ME2: variants seen among roughly 807,000 people sequenced by gnomAD.
ME2 encodes the protein NAD-dependent malic enzyme, mitochondrial.
In ME2, 60 loss-of-function variants were observed where a neutral mutation model predicts 73.7. The observed-to-expected ratio is 0.81, with a 90% CI of 0.66 to 1.01. The LOEUF is 1.01. ME2 is among the 50% of genes least tolerant of loss of function. ME2 has a pLI of 0.00. For missense variants in ME2, 594 were observed against 705.5 expected, an observed-to-expected ratio of 0.84 and a Z score of 1.79; for synonymous variants, 199 against 236.9, an observed-to-expected ratio of 0.84 and a Z score of 1.47.
At chr18:50,896,154 A>G (rs1476609345) in intron 2 of ME2, among the ~76,000 whole-genome samples, 5 of 152,154 alleles carry the variant, frequency 3.3e-5, no homozygotes, top group Non-Finnish European at 4.4e-5. Context: ...ATTGACTTTG[A>G]TTCCTAGTTC....
intron 13 of ME2, among the ~76,000 whole-genome samples, chr18:50,938,113 A>C (rs764244054): frequency 1.5e-4 from 23 of 152,200 alleles, no homozygotes; most frequent in Non-Finnish European, 2.4e-4. Flanking sequence ...GGATTGCATG[A>C]GTCCAGAAGT....
intron 1 of ME2, among the ~76,000 whole-genome samples, chr18:50,890,520 ACTT>A (rs1916583085): frequency 6.6e-6 from 1 of 152,170 alleles, no homozygotes; most frequent in Non-Finnish European, 1.5e-5. Flanking sequence ...TTTTACAACT[ACTT>A]ACAAAATTAT....
chr18:50,880,540 AC>A (rs1418330645), intron 1 of ME2, among the ~76,000 whole-genome samples: 1 of 152,174 alleles, frequency 6.6e-6, no homozygotes, highest in East Asian at 1.9e-4. Context: ...TAATTCCAGC[AC>A]TTCTGGGAGG....
chr18:50,947,261 T>A lies in ME2; in HGVS notation c.*77T>A. On this transcript the variant is annotated 3_prime_UTR_variant, in exon 16 of 16. Coordinates refer to ENST00000321341, the MANE Select transcript of ME2 (RefSeq NM_002396.5). The stretch of plus-strand genomic sequence containing the variant: ...GACAAGAAGAGATAATGTCTTCAGT[T>A]TTATGGTGTTTTCTGTGTTTTGTTC... 7.0e-7 allele frequency: 1 copy of A among 1,433,682 alleles called. No individual in the cohort carries two copies. The highest frequency in any genetic ancestry group is 1.3e-5 in the South Asian group (1 of 76,988). 88.8% of individuals were successfully genotyped at this position (1,433,682 alleles called of 1,614,324 possible). A position where few individuals can be genotyped will look rare whatever the true frequency, so the allele number is the denominator to read the frequency against.
At chr18:50,881,280 A>T (rs1916314527) in intron 1 of ME2, among the ~76,000 whole-genome samples, 1 of 151,730 alleles carries the variant, frequency 6.6e-6, no homozygotes, top group Admixed American at 6.6e-5. Flanking sequence ...CAAGTGCTCC[A>T]CCTCCTTCGG....
intron 1 of ME2, among the ~76,000 whole-genome samples, chr18:50,892,113 A>C (rs972661677): frequency 6.6e-6 from 1 of 151,826 alleles, no homozygotes; most frequent in African/African-American, 2.4e-5. Context: ...GAGCCACTGC[A>C]CCCGGCCTGG....
rs962673402 is a variant in ME2 at position 50,894,090 on chromosome 18, A to G, written c.-12-1719A>G. 7.2e-4 allele frequency among the ~76,000 whole-genome samples: 109 copies of G among 152,208 alleles called. 5 individuals carry two copies. The highest frequency in any genetic ancestry group is 4.4e-5 in the Non-Finnish European group (3 of 68,040). ...TTAATATCAGGCTTACCATCCATAC[A>G]TGGATGTGTTGATGAAACTCTAAGC... is the stretch of plus-strand genomic sequence containing the variant. On this transcript the variant is annotated intron_variant, in intron 1 of 15. Transcript: ENST00000321341.
chr18:50,942,786 T>G, intron 15 of ME2: 1 of 278,194 alleles, frequency 3.6e-6, no homozygotes, highest in Middle Eastern at 9.7e-4. Flanking sequence ...ATTTACTTGA[T>G]GACCAGTTTT....
intron 1 of ME2, among the ~76,000 whole-genome samples, chr18:50,888,561 G>A (rs1398837033): frequency 2.6e-5 from 4 of 151,542 alleles, no homozygotes; most frequent in African/African-American, 4.9e-5. Flanking sequence ...TCTGTTTCTG[G>A]GCTTTATTTT....
intron 7 of ME2, among the ~76,000 whole-genome samples, chr18:50,919,131 A>G (rs1917361305): frequency 6.6e-6 from 1 of 152,174 alleles, no homozygotes; most frequent in Admixed American, 6.5e-5. Flanking sequence ...CATTGCCGCA[A>G]TCTTGCTCTC....
rs1317617062 is a variant in ME2 at position 50,953,224 on chromosome 18, G to T, written c.*6040G>T. 1 of 151,420 alleles carries T rather than the reference G, an allele frequency of 6.6e-6. No homozygotes were observed. Among genetic ancestry groups the T allele is most frequent in the Non-Finnish European group, 1.5e-5 (1 of 68,132 alleles). 9.4% of individuals were successfully genotyped at this position (151,420 alleles called of 1,614,324 possible). On this transcript the variant is annotated 3_prime_UTR_variant, in exon 16 of 16. Coordinates refer to ENST00000321341, the MANE Select transcript of ME2 (RefSeq NM_002396.5). The stretch of plus-strand genomic sequence containing the variant: ...TGCCATTCTCCTGCCTCAGCCTTCC[G>T]AGTAGCTCGGACTACAGGCGCCCGC...
At chr18:50,896,547 G>A (rs1021940687) in intron 2 of ME2, among the ~76,000 whole-genome samples, 1 of 152,116 alleles carries the variant, frequency 6.6e-6, no homozygotes, top group East Asian at 1.9e-4. Context: ...ACAAGTGCCT[G>A]CCTGTTTTTT....
At chr18:50,903,343 C>G (rs1295605031) in intron 2 of ME2, among the ~76,000 whole-genome samples, 2 of 152,154 alleles carry the variant, frequency 1.3e-5, no homozygotes, top group Admixed American at 6.5e-5. Context: ...ATTTTTTACT[C>G]TGCATTATAA....
Position 50,951,306 on chromosome 18 carries a change from G to A in ME2, c.*4122G>A, listed in dbSNP as rs1918219137. 1.3e-5 allele frequency: 2 copies of A among 152,136 alleles called. No individual in the cohort carries two copies. The highest frequency in any genetic ancestry group is 1.3e-4 in the Admixed American group (2 of 15,272). 9.4% of individuals were successfully genotyped at this position (152,136 alleles called of 1,614,324 possible). On this transcript the variant is annotated 3_prime_UTR_variant, in exon 16 of 16. Transcript: ENST00000321341. The stretch of plus-strand genomic sequence containing the variant: ...TCAAAACGTCATTATTAAGGAGTAT[G>A]AAGCATTATTTACTGGCTCTCAGAT...
chr18:50,930,763 A>G (rs1277817810), intron 12 of ME2, among the ~76,000 whole-genome samples: 1 of 152,234 alleles, frequency 6.6e-6, no homozygotes, highest in African/African-American at 2.4e-5. Context: ...CAGAAAAATA[A>G]TTATGTACTT....
rs557007478 is a variant in ME2, at chr18:50,903,695, C to T, written c.109-4368C>T. Among the ~76,000 whole-genome samples the T allele has an allele frequency of 2.2e-3, 329 of 152,246 alleles. 1 individual carries two copies. Among genetic ancestry groups the T allele is most frequent in the Admixed American group, 3.7e-3 (56 of 15,298 alleles). On this transcript the variant is annotated intron_variant, in intron 2 of 15. Coordinates refer to ENST00000321341, the MANE Select transcript of ME2 (RefSeq NM_002396.5). ...AACTCCTGGGCTCAAGCAATCTATC[C>T]GTGCTGGCATCCCAAAATGCTTGGA...
chr18:50,929,175 T>TC (rs907747466), intron 12 of ME2, among the ~76,000 whole-genome samples: 7 of 150,008 alleles, frequency 4.7e-5, no homozygotes, highest in East Asian at 3.9e-4. Context: ...TTTTTTTTTT[T>TC]CCCATTGTTA....
rs568127699 is a variant in ME2, at chr18:50,941,654, C to T, written c.1587+1268C>T. 4.7e-5 allele frequency among the ~76,000 whole-genome samples: 7 copies of T among 147,588 alleles called. No individual in the cohort carries two copies. The East Asian group carries it at 8.0e-4, about 17-fold the overall frequency. On this transcript the variant is annotated intron_variant, in intron 15 of 15. Coordinates refer to ENST00000321341, the MANE Select transcript of ME2 (RefSeq NM_002396.5). Reference sequence around the variant, plus strand: ...CCTCTCAAACTGCTGGGATTACAGGCGTGAGCCACCACGCCCGGGCTGTGA... The same window carrying T: ...CCTCTCAAACTGCTGGGATTACAGGTGTGAGCCACCACGCCCGGGCTGTGA...
chr18:50,904,861 T>TTTCTCA (rs565627848), intron 2 of ME2, among the ~76,000 whole-genome samples: 26 of 152,238 alleles, frequency 1.7e-4, no homozygotes, highest in Admixed American at 1.3e-3. Context: ...TGGATTAATG[T>TTTCTCA]TTCTCATATT....
Sources: allele counts gnomAD v4.1 joint callset (sites outside exome capture counted in the v4.1 genomes callset), GRCh38; gene constraint gnomAD v4.1.1; transcripts MANE v1.5; gene names NCBI Gene and HGNC (gene_info 2026-07-23, HGNC 2026-07-21).